SEPSECS: variants seen among roughly 807,000 people sequenced by gnomAD.
The protein encoded by SEPSECS is Sep (O-phosphoserine) tRNA:Sec (selenocysteine) tRNA synthase, also known as O-phosphoseryl-tRNA(Sec) selenium transferase.
A neutral mutation model predicts 52.1 loss-of-function variants in SEPSECS; 42 were observed. The ratio of observed to expected loss-of-function variants is 0.81; its 90% CI spans 0.63 to 1.04. The LOEUF is 1.04. Ranked by LOEUF, SEPSECS falls within the 50% of genes least tolerant of loss-of-function variation. The pLI is 0.00. For missense variants in SEPSECS, 590 were observed against 610.6 expected (o/e 0.97, Z 0.36); for synonymous variants, 216 against 211.4 (o/e 1.02, Z -0.19).
At position 25,156,194 on chromosome 4, in the gene SEPSECS, A is replaced by G. The variant is rs2109034292; in HGVS notation, c.390T>C (p.Gly130=). The G allele has an allele frequency of 6.2e-7, 1 of 1,613,798 alleles. No individual in the cohort carries two copies. Among genetic ancestry groups the G allele is most frequent in the South Asian group, 1.1e-5 (1 of 91,078 alleles). The change falls in exon 4 of 11, where the codon GGT becomes GGC. Residue 130 remains glycine, a splice_region_variant and synonymous_variant. Coordinates refer to ENST00000382103, the MANE Select transcript of SEPSECS (RefSeq NM_016955.4). ...CAAAGCAGTTGGCTACTGTATGGAC[A>G]CCTACAAATAAGAAGCAAAACAGAA... The part of the protein sequence containing the change: ...SLVLDIIKLA[G]VHTVANCFVV...
intron 8 of SEPSECS, among the ~76,000 whole-genome samples, chr4:25,135,245 G>T (rs369770788): frequency 2.2e-5 from 3 of 139,214 alleles, no homozygotes; most frequent in African/African-American, 8.0e-5. Flanking sequence ...ACGAAAAACC[G>T]TTAAAAAAAA....
intron 2 of SEPSECS, among the ~76,000 whole-genome samples, chr4:25,158,706 T>C (rs1309573280): frequency 6.6e-6 from 1 of 152,200 alleles, no homozygotes. Flanking sequence ...GTATAGCCTG[T>C]GTTAGTCACC....
At chr4:25,160,234 G>C (rs1042109522) in intron 1 of SEPSECS, 22 bp downstream of exon 1, 2 of 1,550,222 alleles carry the variant, frequency 1.3e-6, no homozygotes, top group Non-Finnish European at 1.7e-6. Flanking sequence ...GGCGGCTGGG[G>C]AGGGGACCGA....
At chr4:25,153,510 T>A (rs1243463050) in intron 5 of SEPSECS, among the ~76,000 whole-genome samples, 6 of 151,900 alleles carry the variant, frequency 3.9e-5, no homozygotes, top group African/African-American at 1.4e-4. Flanking sequence ...GTTTTCTAAC[T>A]TAGAAGCCAA....
At chr4:25,139,776 A>ATTAG (rs985464433) in intron 8 of SEPSECS, among the ~76,000 whole-genome samples, 2 of 152,160 alleles carry the variant, frequency 1.3e-5, no homozygotes, top group African/African-American at 4.8e-5. Context: ...AAGGACTTAA[A>ATTAG]TTAGGGAGTG....
intron 6 of SEPSECS, among the ~76,000 whole-genome samples, chr4:25,149,857 T>A (rs1021874228): frequency 1.3e-5 from 2 of 152,162 alleles, no homozygotes; most frequent in Non-Finnish European, 2.9e-5. Context: ...CTTAAAAAGT[T>A]AAGGAATAGC....
chr4:25,134,964 G>C (rs1728776306), intron 8 of SEPSECS, among the ~76,000 whole-genome samples: 1 of 151,868 alleles, frequency 6.6e-6, no homozygotes, highest in African/African-American at 2.4e-5. Context: ...ATGACTCCTG[G>C]GTAAATAACG....
At chr4:25,137,160 G>T (rs2109014081) in intron 8 of SEPSECS, among the ~76,000 whole-genome samples, 1 of 152,268 alleles carries the variant, frequency 6.6e-6, no homozygotes, top group East Asian at 1.9e-4. Context: ...CACAGGCAAA[G>T]ATTTCATGAT....
At position 25,121,675 on chromosome 4, in the gene SEPSECS, G is replaced by A. The variant is rs1728132418; in HGVS notation, c.*2256C>T. On this transcript the variant is annotated 3_prime_UTR_variant, in exon 11 of 11. Transcript: ENST00000382103. ...TCTATGCCCTCAAATTTTAAGCCAG[G>A]AGGAATAGAGCTAGAATTCCAAAAC... 1 of 152,262 alleles carries A rather than the reference G, an allele frequency of 6.6e-6. No homozygotes were observed. The highest frequency in any genetic ancestry group is 2.4e-5 in the African/African-American group (1 of 41,558). The allele number at this position is 152,262 out of a possible 1,614,324, so 9.4% of individuals were successfully genotyped here.
intron 8 of SEPSECS, among the ~76,000 whole-genome samples, chr4:25,141,142 A>T (rs148342431): frequency 2.0e-5 from 3 of 152,172 alleles, no homozygotes; most frequent in African/African-American, 7.2e-5. Flanking sequence ...AGATTTTGGT[A>T]TCTGAGTGAT....
chr4:25,144,647 A>G, intron 8 of SEPSECS, 127 bp downstream of exon 8: 1 of 716,764 alleles, frequency 1.4e-6, no homozygotes, highest in Admixed American at 2.2e-5. Flanking sequence ...CCAGATCTGA[A>G]TAAATACTAT....
At position 25,159,913 on chromosome 4, in the gene SEPSECS, T is replaced by C. The variant is rs1712954262; in HGVS notation, c.114+343A>G. 4.2e-6 allele frequency: 5 copies of C among 1,191,248 alleles called. No homozygotes were observed. The South Asian group carries it at 9.5e-5, about 23-fold the overall frequency. The allele number at this position is 1,191,248 out of a possible 1,614,324, so 73.8% of individuals were successfully genotyped here. A position where few individuals can be genotyped will look rare whatever the true frequency, so the allele number is the denominator to read the frequency against. On this transcript the variant is annotated intron_variant, in intron 1 of 10. Coordinates refer to ENST00000382103, the MANE Select transcript of SEPSECS (RefSeq NM_016955.4). ...AACACCATTATGTGTTCTGAGTCGT[T>C]GAGGGTTGGTGAAAGATGGAGGTGC... is the stretch of plus-strand genomic sequence containing the variant.
intron 3 of SEPSECS, among the ~76,000 whole-genome samples, chr4:25,156,476 G>A (rs1452595550): frequency 1.3e-5 from 2 of 151,602 alleles, no homozygotes; most frequent in Admixed American, 1.3e-4. Flanking sequence ...AGGCCAAGGC[G>A]GGCGGATCAC....
chr4:25,158,907 A>C (rs1560338133), intron 2 of SEPSECS, 46 bp downstream of exon 2: 1 of 1,584,578 alleles, frequency 6.3e-7, no homozygotes, highest in Non-Finnish European at 8.7e-7. Context: ...TTTTGAACCA[A>C]AAATAAATAA....
chr4:25,159,569 T>G, intron 1 of SEPSECS: 1 of 419,774 alleles, frequency 2.4e-6, no homozygotes, highest in Non-Finnish European at 4.8e-6. Context: ...GTCAGGAGTT[T>G]GAGATCAGCC....
At chr4:25,133,628 C>T (rs894936244) in intron 8 of SEPSECS, among the ~76,000 whole-genome samples, 1 of 152,118 alleles carries the variant, frequency 6.6e-6, no homozygotes, top group Admixed American at 6.5e-5. Flanking sequence ...AAAAAGATGA[C>T]AAAATCCCTA....
intron 8 of SEPSECS, among the ~76,000 whole-genome samples, chr4:25,136,879 G>A (rs1477428831): frequency 1.3e-5 from 2 of 152,106 alleles, no homozygotes; most frequent in African/African-American, 4.8e-5. Flanking sequence ...ATAGGCCAAC[G>A]AAACAGAATA....
At position 25,151,940 on chromosome 4, in the gene SEPSECS, AT is replaced by A. The variant is rs765744406; in HGVS notation, c.804+19del. 1 of 1,283,796 alleles carries A rather than the reference AT, an allele frequency of 7.8e-7. No individual in the cohort carries two copies. The highest frequency in any genetic ancestry group is 1.1e-6 in the Non-Finnish European group (1 of 878,552). The allele number at this position is 1,283,796 out of a possible 1,614,324, so 79.5% of individuals were successfully genotyped here. On this transcript the variant is annotated intron_variant, in intron 6 of 10. Coordinates refer to ENST00000382103, the MANE Select transcript of SEPSECS (RefSeq NM_016955.4). ...AAATGAATTTTTCCTTGACATACAT[AT>A]CATTTTAAACTCTCTTACCTGCTGA... is the stretch of plus-strand genomic sequence containing the variant.
Position 25,152,576 on chromosome 4 carries a change from C to T in SEPSECS, c.702-514G>A, listed in dbSNP as rs1050181928. On this transcript the variant is annotated intron_variant, in intron 5 of 10. Coordinates refer to ENST00000382103, the MANE Select transcript of SEPSECS (RefSeq NM_016955.4). The stretch of plus-strand genomic sequence containing the variant: ...TACAGAACATTAAAATGTGTCATTA[C>T]CAAAATAACTAACATTTTCCAACAA... 3.3e-5 allele frequency among the ~76,000 whole-genome samples: 5 copies of T among 151,906 alleles called. No individual in the cohort carries two copies. The South Asian group carries it at 1.0e-3, about 31-fold the overall frequency.
Sources: allele counts gnomAD v4.1 joint callset (sites outside exome capture counted in the v4.1 genomes callset), GRCh38; gene constraint gnomAD v4.1.1; transcripts MANE v1.5; gene names NCBI Gene and HGNC (gene_info 2026-07-23, HGNC 2026-07-21).